Variants in STK3 observed in about 807,000 individuals in gnomAD.
STK3 encodes the protein serine/threonine-protein kinase 3.
In STK3, 41 loss-of-function variants were observed where a neutral mutation model predicts 58.0. The ratio of observed to expected loss-of-function variants is 0.71; its 90% CI spans 0.55 to 0.92. The LOEUF is 0.92. Ranked by LOEUF, STK3 falls within the 40% of genes least tolerant of loss-of-function variation. STK3 has a pLI of 0.00. For missense variants in STK3, 479 were observed against 602.7 expected (o/e 0.79, Z 2.15); for synonymous variants, 170 against 191.0 (o/e 0.89, Z 0.91).
chr8:98,799,681 A>T (rs1833392817), intron 1 of STK3, among the ~76,000 whole-genome samples: 1 of 152,156 alleles, frequency 6.6e-6, no homozygotes, highest in Non-Finnish European at 1.5e-5. Flanking sequence ...CTCAAAGCTC[A>T]AGTCCATCAG....
intron 6 of STK3, among the ~76,000 whole-genome samples, chr8:98,618,110 C>T (rs1817920676): frequency 6.6e-6 from 1 of 151,724 alleles, no homozygotes; most frequent in Non-Finnish European, 1.5e-5. Flanking sequence ...AAAAGCTTAT[C>T]CACCATGATC....
chr8:98,365,930 A>G, the STK3 span, among the ~76,000 whole-genome samples: 10 of 152,062 alleles, frequency 6.6e-5, 1 homozygote, highest in South Asian at 2.1e-3. Context: ...TCATATCCTC[A>G]ATTGTGGGCA....
chr8:98,638,029 G>T (rs1331012670), intron 6 of STK3, among the ~76,000 whole-genome samples: 4 of 151,924 alleles, frequency 2.6e-5, no homozygotes, highest in African/African-American at 9.7e-5. Flanking sequence ...TGCTACTTTA[G>T]GTGTGTTTCT....
intron 3 of STK3, among the ~76,000 whole-genome samples, chr8:98,760,435 T>G (rs1830548305): frequency 6.6e-6 from 1 of 152,180 alleles, no homozygotes; most frequent in Admixed American, 6.5e-5. Flanking sequence ...CCACTGTGCC[T>G]GGCTAGTTTT....
At chr8:98,692,958 G>C (rs865950057) in intron 6 of STK3, among the ~76,000 whole-genome samples, 4 of 152,028 alleles carry the variant, frequency 2.6e-5, no homozygotes, top group Non-Finnish European at 5.9e-5. Context: ...ATTTGGGGGG[G>C]AAAAATACAA....
chr8:98,528,487 T>A (rs1825911297), intron 9 of STK3, among the ~76,000 whole-genome samples: 1 of 152,068 alleles, frequency 6.6e-6, no homozygotes, highest in Non-Finnish European at 1.5e-5. Flanking sequence ...ACTTTCCTTT[T>A]TCTTTTCTTT....
intron 10 of STK3, among the ~76,000 whole-genome samples, chr8:98,458,599 A>G (rs1819688546): frequency 6.6e-6 from 1 of 152,164 alleles, no homozygotes; most frequent in South Asian, 2.1e-4. Context: ...CCCAAATCTC[A>G]TCATGAATTG....
chr8:98,760,334 C>T (rs1830541968), intron 3 of STK3, among the ~76,000 whole-genome samples: 1 of 152,090 alleles, frequency 6.6e-6, no homozygotes, highest in Non-Finnish European at 1.5e-5. Flanking sequence ...CAGACAGGGT[C>T]TCACTACGTT....
chr8:98,795,964 A>C (rs914703972), intron 1 of STK3, among the ~76,000 whole-genome samples: 2 of 152,326 alleles, frequency 1.3e-5, no homozygotes, highest in Non-Finnish European at 1.5e-5. Context: ...AAATGGAAAA[A>C]CATTTCATGT....
At chr8:98,473,908 T>C (rs1364466155) in intron 10 of STK3, among the ~76,000 whole-genome samples, 2 of 152,218 alleles carry the variant, frequency 1.3e-5, no homozygotes, top group African/African-American at 2.4e-5. Context: ...ATCTATCTGA[T>C]AGTATCTCTA....
chr8:98,708,931 TCAGGATG>T (rs964741016), intron 4 of STK3, among the ~76,000 whole-genome samples: 3 of 141,978 alleles, frequency 2.1e-5, no homozygotes, highest in African/African-American at 7.9e-5. Flanking sequence ...CTAGATAGCT[TCAGGATG>T]GGAGCTGGTT....
chr8:98,745,080 T>C (rs1587496012), intron 4 of STK3, among the ~76,000 whole-genome samples: 1 of 152,158 alleles, frequency 6.6e-6, no homozygotes, highest in East Asian at 1.9e-4. Context: ...AAACAATGCC[T>C]GTAGCATAGA....
At position 98,707,288 on chromosome 8, in the gene STK3, G is replaced by A. The variant is rs544252272; in HGVS notation, c.375C>T (p.Thr125=). 51 of 1,543,370 alleles carry A rather than the reference G, an allele frequency of 3.3e-5. No homozygotes were observed. The South Asian group carries it at 5.0e-4, about 15-fold the overall frequency. The part of the protein sequence containing the change: ...NKTLIEDEIA[T]ILKSTLKGLE... ...GTCCTTTCAATGTAGATTTAAGAAT[G>A]GTTGCAATTTCATCTTCTATTAACT... The change falls in exon 5 of 11, where the codon ACC becomes ACT. Residue 125 remains threonine, a synonymous_variant. Transcript: ENST00000419617.
intron 3 of STK3, among the ~76,000 whole-genome samples, chr8:98,867,345 C>T (rs569695509): frequency 2.0e-5 from 3 of 152,168 alleles, no homozygotes; most frequent in South Asian, 2.1e-4. Flanking sequence ...GCCTGGGAGG[C>T]GGAGGTTCCA....
intron 4 of STK3, among the ~76,000 whole-genome samples, chr8:98,727,136 T>G (rs1280851322): frequency 6.6e-6 from 1 of 152,196 alleles, no homozygotes. Flanking sequence ...TAGCTCCAGA[T>G]TGAACATATG....
chr8:98,753,930 T>A (rs1320881769), intron 3 of STK3, among the ~76,000 whole-genome samples: 1 of 152,186 alleles, frequency 6.6e-6, no homozygotes, highest in East Asian at 1.9e-4. Context: ...ACAAGGTACC[T>A]TACTTTAAAA....
intron 3 of STK3, among the ~76,000 whole-genome samples, chr8:98,403,921 G>A (rs879090338): frequency 2.0e-5 from 3 of 152,206 alleles, no homozygotes; most frequent in Admixed American, 2.0e-4. Flanking sequence ...TGGCTGTGGG[G>A]ATATATGCAG....
At chr8:98,811,007 A>C (rs1834185049) in intron 1 of STK3, among the ~76,000 whole-genome samples, 1 of 152,186 alleles carries the variant, frequency 6.6e-6, no homozygotes, top group Admixed American at 6.5e-5. Flanking sequence ...AACTAAGCTG[A>C]TGCTGCTGCC....
At chr8:98,739,332 G>A (rs891738891) in intron 4 of STK3, among the ~76,000 whole-genome samples, 2 of 152,132 alleles carry the variant, frequency 1.3e-5, no homozygotes, top group African/African-American at 4.8e-5. Context: ...CAGCCTAACT[G>A]GGAGGCACCC....
Sources: gnomAD v4.1 joint callset for allele counts (sites outside exome capture counted in the v4.1 genomes callset) on GRCh38, gnomAD v4.1.1 for gene constraint, MANE v1.5 for transcripts, NCBI Gene and HGNC (gene_info 2026-07-23, HGNC 2026-07-21) for gene names.